Variants in NAALADL2 observed in about 807,000 individuals in gnomAD.
NAALADL2 encodes the protein N-acetylated alpha-linked acidic dipeptidase like 2.
Under a neutral mutation model 87.2 loss-of-function variants are expected in NAALADL2, and 76 were observed. The ratio of observed to expected loss-of-function variants is 0.87; its 90% CI spans 0.72 to 1.05. NAALADL2 has a LOEUF of 1.05. Among genes scored for constraint, NAALADL2 ranks in the 50% least tolerant of loss-of-function variants. The probability of loss-of-function intolerance (pLI) is 0.00; values close to 1 mark genes in which losing one functional copy is unlikely to be tolerated. For missense variants in NAALADL2, 1,089 were observed against 945.8 expected (o/e 1.15, Z -1.99); for synonymous variants, 354 against 331.0 (o/e 1.07, Z -0.75).
At chr3:175,309,009 C>G (rs1337296668) in intron 4 of NAALADL2, among the ~76,000 whole-genome samples, 1 of 152,058 alleles carries the variant, frequency 6.6e-6, no homozygotes, top group African/African-American at 2.4e-5. Context: ...TATCCCTTAG[C>G]TGTTTGTATC....
At chr3:174,879,087 T>C (rs917476781) in intron 1 of NAALADL2, among the ~76,000 whole-genome samples, 2 of 152,112 alleles carry the variant, frequency 1.3e-5, no homozygotes, top group Non-Finnish European at 2.9e-5. Flanking sequence ...TTCAAGGTTA[T>C]ACAAGCTTAA....
At chr3:175,611,981 G>T (rs975859184) in intron 10 of NAALADL2, among the ~76,000 whole-genome samples, 1 of 152,078 alleles carries the variant, frequency 6.6e-6, no homozygotes, top group Non-Finnish European at 1.5e-5. Flanking sequence ...AAAATAAATG[G>T]ATTTAGCTAA....
intron 2 of NAALADL2, among the ~76,000 whole-genome samples, chr3:174,726,901 T>C (rs1286356566): frequency 6.6e-6 from 1 of 152,144 alleles, no homozygotes; most frequent in African/African-American, 2.4e-5. Context: ...GTCCGTTTTA[T>C]CTCCATGCTA....
intron 1 of NAALADL2, among the ~76,000 whole-genome samples, chr3:174,972,384 TAA>T (rs1189613855): frequency 3.3e-5 from 5 of 152,172 alleles, no homozygotes; most frequent in African/African-American, 1.2e-4. Flanking sequence ...TTCTGAAGGC[TAA>T]AAGTCCAAAA....
At chr3:175,626,116 T>C (rs1033993136) in intron 10 of NAALADL2, among the ~76,000 whole-genome samples, 5 of 151,994 alleles carry the variant, frequency 3.3e-5, no homozygotes, top group African/African-American at 9.7e-5. Context: ...TTCTCCTCCA[T>C]GTATGTGCTA....
intron 11 of NAALADL2, among the ~76,000 whole-genome samples, chr3:175,636,875 G>T (rs919800445): frequency 6.6e-6 from 1 of 152,030 alleles, no homozygotes; most frequent in Non-Finnish European, 1.5e-5. Flanking sequence ...GACATTTTAA[G>T]ACACAGTTTC....
chr3:174,649,343 AATTAG>A (rs1724128386), intron 2 of NAALADL2, among the ~76,000 whole-genome samples: 1 of 152,180 alleles, frequency 6.6e-6, no homozygotes, highest in Non-Finnish European at 1.5e-5. Context: ...TAGTCTTAGA[AATTAG>A]ATTAGCATAC....
intron 9 of NAALADL2, among the ~76,000 whole-genome samples, chr3:175,510,441 T>C (rs1731004916): frequency 6.6e-6 from 1 of 152,192 alleles, no homozygotes; most frequent in Non-Finnish European, 1.5e-5. Context: ...CAGTTGGCTT[T>C]GTCATGATTA....
chr3:175,574,152 C>T (rs1718514566), intron 9 of NAALADL2, among the ~76,000 whole-genome samples: 1 of 152,178 alleles, frequency 6.6e-6, no homozygotes, highest in Non-Finnish European at 1.5e-5. Context: ...CTTAATATTA[C>T]ACCACATATT....
chr3:175,802,706 TCAGATA>T (rs1754326396), intron 13 of NAALADL2, among the ~76,000 whole-genome samples: 1 of 151,942 alleles, frequency 6.6e-6, no homozygotes, highest in African/African-American at 2.4e-5. Flanking sequence ...AACATCAGAT[TCAGATA>T]CAATTTTCTT....
intron 3 of NAALADL2, among the ~76,000 whole-genome samples, chr3:174,804,416 A>G (rs905491439): frequency 5.9e-5 from 9 of 152,256 alleles, no homozygotes; most frequent in African/African-American, 2.2e-4. Flanking sequence ...CTGCAAACAG[A>G]GACAATTTGA....
At chr3:175,393,653 T>A (rs1418437335) in intron 5 of NAALADL2, among the ~76,000 whole-genome samples, 2 of 152,152 alleles carry the variant, frequency 1.3e-5, no homozygotes, top group East Asian at 3.9e-4. Flanking sequence ...TGAGAGTAAA[T>A]TATCTCAATA....
rs115304910 is a variant in NAALADL2, at chr3:175,754,246, G to A, written c.1991-974G>A. ...TTCATTTTACAGATGAGGGCACTGA[G>A]GCTCAATAACTTTACCAATATCACA... On this transcript the variant is annotated intron_variant, in intron 12 of 13. Transcript: ENST00000454872. Among the ~76,000 whole-genome samples, 565 of 152,274 alleles carry A rather than the reference G, an allele frequency of 3.7e-3. 3 individuals carry two copies. Among genetic ancestry groups the A allele is most frequent in the African/African-American group, 0.013 (543 of 41,550 alleles).
chr3:174,618,843 C>T (rs1377258018), intron 2 of NAALADL2, among the ~76,000 whole-genome samples: 1 of 151,804 alleles, frequency 6.6e-6, no homozygotes. Context: ...TATACATTAT[C>T]TTAAGTAATT....
At chr3:175,621,986 G>A (rs1229134059) in intron 10 of NAALADL2, among the ~76,000 whole-genome samples, 1 of 151,250 alleles carries the variant, frequency 6.6e-6, no homozygotes, top group Non-Finnish European at 1.5e-5. Flanking sequence ...TCTTGACTTT[G>A]TTTCAGTTTC....
chr3:175,258,680 G>A (rs1750497163), intron 4 of NAALADL2, among the ~76,000 whole-genome samples: 1 of 152,152 alleles, frequency 6.6e-6, no homozygotes, highest in Non-Finnish European at 1.5e-5. Context: ...TTTATGATAA[G>A]TTCAGCTGCA....
At chr3:175,493,106 C>T (rs1277259793) in intron 9 of NAALADL2, among the ~76,000 whole-genome samples, 4 of 151,824 alleles carry the variant, frequency 2.6e-5, no homozygotes, top group African/African-American at 9.7e-5. Context: ...TACGTATACA[C>T]ACATATAAAT....
At position 175,020,344 on chromosome 3, in the gene NAALADL2, C is replaced by A. The variant is rs72622549; in HGVS notation, c.44-76446C>A. Among the ~76,000 whole-genome samples, 312 of 152,176 alleles carry A rather than the reference C, an allele frequency of 2.1e-3. 13 individuals are homozygous for A. In the East Asian group the frequency reaches 0.051, roughly 25 times the overall value. ...TTTCTTAAGATGAAAAGAATGCTTA[C>A]AGTTCACATCTGTGTTTCAAACTGA... is the stretch of plus-strand genomic sequence containing the variant. On this transcript the variant is annotated intron_variant, in intron 1 of 13. Coordinates refer to ENST00000454872, the MANE Select transcript of NAALADL2 (RefSeq NM_207015.3).
intron 2 of NAALADL2, among the ~76,000 whole-genome samples, chr3:175,144,485 T>C (rs937470161): frequency 6.6e-6 from 1 of 152,024 alleles, no homozygotes; most frequent in Admixed American, 6.6e-5. Flanking sequence ...TAATACAGTC[T>C]AAAGTGTAAA....
Sources: gnomAD v4.1 joint callset for allele counts (sites outside exome capture counted in the v4.1 genomes callset) on GRCh38, gnomAD v4.1.1 for gene constraint, MANE v1.5 for transcripts, NCBI Gene and HGNC (gene_info 2026-07-23, HGNC 2026-07-21) for gene names.